The following MAGI2 variants were observed in gnomAD, a reference collection of about 807,000 sequenced individuals.
The protein encoded by MAGI2 is membrane-associated guanylate kinase, WW and PDZ domain-containing protein 2.
Under a neutral mutation model 133.3 loss-of-function variants are expected in MAGI2, and 35 were observed. That is an observed-to-expected ratio of 0.26 (90% CI 0.20 to 0.35). MAGI2 has a LOEUF of 0.35. MAGI2 is among the 10% of genes least tolerant of loss of function. The probability of loss-of-function intolerance (pLI) is 1.00; values close to 1 mark genes in which losing one functional copy is unlikely to be tolerated. For missense variants in MAGI2, 1,636 were observed against 1,863.4 expected, an observed-to-expected ratio of 0.88 and a Z score of 2.25; for synonymous variants, 729 against 710.6, an observed-to-expected ratio of 1.03 and a Z score of -0.41.
intron 1 of MAGI2, among the ~76,000 whole-genome samples, chr7:79,428,440 T>C (rs1847546483): frequency 6.6e-6 from 1 of 152,166 alleles, no homozygotes; most frequent in Non-Finnish European, 1.5e-5. Context: ...CAATAACTTG[T>C]ACCTTCATGA....
rs140114616 is a variant in MAGI2 at position 78,590,647 on chromosome 7, G to T, written c.538+36473C>A. On this transcript the variant is annotated intron_variant, in intron 3 of 21. Coordinates refer to ENST00000354212, the MANE Select transcript of MAGI2 (RefSeq NM_012301.4). ...AGTACAAATGCTTTTTGCTAGTCACGTGGGTTGTCACTGCAGAAGCCACAG... is the reference window on the plus strand; with the variant it reads ...AGTACAAATGCTTTTTGCTAGTCACTTGGGTTGTCACTGCAGAAGCCACAG... Among the ~76,000 whole-genome samples the T allele has an allele frequency of 3.4e-3, 520 of 152,232 alleles. 3 individuals carry two copies. Among genetic ancestry groups the T allele is most frequent in the African/African-American group, 0.012 (499 of 41,540 alleles).
At chr7:78,609,415 C>T (rs1048085533) in intron 3 of MAGI2, among the ~76,000 whole-genome samples, 1 of 152,186 alleles carries the variant, frequency 6.6e-6, no homozygotes, top group Non-Finnish European at 1.5e-5. Flanking sequence ...AATACTATTA[C>T]ATACAGTTAA....
intron 1 of MAGI2, among the ~76,000 whole-genome samples, chr7:79,136,681 A>G (rs909348618): frequency 1.1e-4 from 16 of 152,230 alleles, no homozygotes; most frequent in Admixed American, 9.2e-4. Context: ...ATTTGAGTGA[A>G]CAATTCTAAG....
intron 12 of MAGI2, 63 bp downstream of exon 12, chr7:78,194,811 A>G: frequency 2.2e-6 from 3 of 1,344,610 alleles, no homozygotes; most frequent in Non-Finnish European, 3.0e-6. Context: ...CAGCCTCAAT[A>G]TATCTCCTGG....
chr7:78,309,836 CT>C (rs35621522), intron 9 of MAGI2, among the ~76,000 whole-genome samples: 39,865 of 151,898 alleles, frequency 0.26, 5,499 homozygotes, highest in African/African-American at 0.32. Flanking sequence ...TCAGACCTTT[CT>C]TCTATAGATT....
chr7:78,887,428 A>G (rs1257406543), intron 2 of MAGI2, among the ~76,000 whole-genome samples: 6 of 152,250 alleles, frequency 3.9e-5, no homozygotes, highest in Non-Finnish European at 8.8e-5. Context: ...AGCAAGCCGC[A>G]GTAATCAGCG....
intron 2 of MAGI2, among the ~76,000 whole-genome samples, chr7:78,823,928 C>T (rs1243370442): frequency 6.6e-6 from 1 of 152,032 alleles, no homozygotes; most frequent in Non-Finnish European, 1.5e-5. Context: ...CACACACACA[C>T]ACACACAAAA....
intron 1 of MAGI2, among the ~76,000 whole-genome samples, chr7:79,281,438 A>G (rs1199885821): frequency 6.6e-6 from 1 of 152,154 alleles, no homozygotes; most frequent in African/African-American, 2.4e-5. Context: ...ATGCTTTTAT[A>G]TCTGAAAAGC....
chr7:78,387,648 C>G (rs947063256), intron 6 of MAGI2, among the ~76,000 whole-genome samples: 1 of 152,066 alleles, frequency 6.6e-6, no homozygotes, highest in African/African-American at 2.4e-5. Context: ...AAAAATAGAC[C>G]GGATGTAGTG....
chr7:78,422,477 C>G (rs1475032215), intron 6 of MAGI2, among the ~76,000 whole-genome samples: 3 of 151,630 alleles, frequency 2.0e-5, no homozygotes, highest in Admixed American at 6.6e-5. Context: ...CAACATAAAT[C>G]TTGCCTGAGT....
At chr7:78,370,455 CAT>C (rs1005849451) in intron 6 of MAGI2, among the ~76,000 whole-genome samples, 44 of 151,974 alleles carry the variant, frequency 2.9e-4, no homozygotes, top group African/African-American at 1.0e-3. Flanking sequence ...TTTTACCTGT[CAT>C]GTGTCATCTG....
intron 1 of MAGI2, among the ~76,000 whole-genome samples, chr7:79,333,627 C>A (rs2129092889): frequency 6.6e-6 from 1 of 152,270 alleles, no homozygotes; most frequent in Admixed American, 6.5e-5. Context: ...AAACCTACTA[C>A]CTTTTCTTTT....
chr7:79,278,774 A>T (rs1835420799), intron 1 of MAGI2, among the ~76,000 whole-genome samples: 1 of 152,132 alleles, frequency 6.6e-6, no homozygotes, highest in African/African-American at 2.4e-5. Context: ...ATCAGATGGA[A>T]TTTGTTTGAA....
intron 13 of MAGI2, among the ~76,000 whole-genome samples, chr7:78,181,728 C>A (rs1201635215): frequency 6.6e-6 from 1 of 152,204 alleles, no homozygotes; most frequent in African/African-American, 2.4e-5. Context: ...TCTGGGCTCA[C>A]ACCAATATTG....
At chr7:78,109,561 G>A (rs1231650329) in intron 20 of MAGI2, among the ~76,000 whole-genome samples, 1 of 151,994 alleles carries the variant, frequency 6.6e-6, no homozygotes, top group African/African-American at 2.4e-5. Flanking sequence ...GAACCCGGGA[G>A]GTGGAGGTTG....
chr7:78,526,279 G>T (rs1449807847), intron 3 of MAGI2, among the ~76,000 whole-genome samples: 1 of 152,150 alleles, frequency 6.6e-6, no homozygotes, highest in African/African-American at 2.4e-5. Flanking sequence ...AAAAGGGAAA[G>T]GCAAAATTGC....
chr7:78,351,031 G>A lies in MAGI2; in HGVS notation c.1104-4988C>T, dbSNP rs144316506. Among the ~76,000 whole-genome samples, 35 of 152,292 alleles carry A rather than the reference G, an allele frequency of 2.3e-4. 1 individual carries two copies. Among genetic ancestry groups the A allele is most frequent in the Non-Finnish European group, 4.4e-4 (30 of 68,014 alleles). On this transcript the variant is annotated intron_variant, in intron 7 of 21. Transcript: ENST00000354212. The stretch of plus-strand genomic sequence containing the variant: ...TCAATGTGGAAGAGAGAAGGGAGCA[G>A]CTTTTAAGTGGAGACTGTGTCACAG...
chr7:78,794,385 C>T (rs1787424544), intron 2 of MAGI2, among the ~76,000 whole-genome samples: 1 of 152,136 alleles, frequency 6.6e-6, no homozygotes, highest in Non-Finnish European at 1.5e-5. Flanking sequence ...TGCCCTTCTC[C>T]ACATAATTTA....
chr7:78,511,552 T>TA (rs1491468471), intron 4 of MAGI2, among the ~76,000 whole-genome samples: 784 of 68,000 alleles, frequency 0.012, 4 homozygotes, highest in Non-Finnish European at 0.015. Context: ...TATATATAAA[T>TA]TTTTTTTTTT....
Sources: allele counts gnomAD v4.1 joint callset (sites outside exome capture counted in the v4.1 genomes callset), GRCh38; gene constraint gnomAD v4.1.1; transcripts MANE v1.5; gene names NCBI Gene and HGNC (gene_info 2026-07-23, HGNC 2026-07-21).